DNMT1: variants seen among roughly 807,000 people sequenced by gnomAD.
DNMT1 encodes DNA (cytosine-5)-methyltransferase 1.
Under a neutral mutation model 205.3 loss-of-function variants are expected in DNMT1, and 24 were observed. The ratio of observed to expected loss-of-function variants is 0.12; its 90% CI spans 0.08 to 0.16. The LOEUF (loss-of-function observed/expected upper bound fraction) is 0.16. DNMT1 is among the 10% of genes least tolerant of loss of function. The pLI is 1.00. For synonymous variants in DNMT1, 817 were observed against 839.8 expected, an observed-to-expected ratio of 0.97 and a Z score of 0.47; for missense variants, 1,293 against 2,177.7, an observed-to-expected ratio of 0.59 and a Z score of 8.09.
chr19:10,149,825 G>C, intron 25 of DNMT1, 28 bp downstream of exon 25: 1 of 1,612,018 alleles, frequency 6.2e-7, no homozygotes, highest in South Asian at 1.1e-5. Context: ...AGTGCATGCA[G>C]AAGTCAAGCA....
chr19:10,134,896 A>G (rs974275483), intron 39 of DNMT1, among the ~76,000 whole-genome samples: 1 of 148,664 alleles, frequency 6.7e-6, no homozygotes, highest in Non-Finnish European at 1.5e-5. Flanking sequence ...CCACCTAGAC[A>G]CGTTTCGCTC....
intron 1 of DNMT1, among the ~76,000 whole-genome samples, chr19:10,183,900 T>A (rs944006838): frequency 6.6e-6 from 1 of 151,660 alleles, no homozygotes; most frequent in Non-Finnish European, 1.5e-5. Flanking sequence ...TAAAATAAAA[T>A]AAAAATAACT....
Position 10,149,392 on chromosome 19 carries a change from G to A in DNMT1, c.2586+61C>T, listed in dbSNP as rs143051214. 3.1e-4 allele frequency: 471 copies of A among 1,531,746 alleles called. 2 individuals are homozygous for A. The African/African-American group carries it at 5.5e-3, about 18-fold the overall frequency. 94.9% of individuals were successfully genotyped at this position (1,531,746 alleles called of 1,614,324 possible). On this transcript the variant is annotated intron_variant, in intron 26 of 40. Transcript: ENST00000359526. ...AATACAAATCAAAACAAAACAGAAC[G>A]CACGTCAGCAGTGACCCTCCACGAT...
chr19:10,183,097 G>A (rs1212066220), intron 1 of DNMT1, among the ~76,000 whole-genome samples: 7 of 136,594 alleles, frequency 5.1e-5, no homozygotes, highest in Non-Finnish European at 9.1e-5. Flanking sequence ...ATATATACAC[G>A]TATATATACG....
intron 14 of DNMT1, 39 bp downstream of exon 14, chr19:10,160,345 T>A (rs956040669): frequency 6.2e-7 from 1 of 1,613,524 alleles, no homozygotes; most frequent in African/African-American, 1.3e-5. Context: ...ATTTTAACAT[T>A]ACCATCTGCT....
At position 10,145,463 on chromosome 19, in the gene DNMT1, G is replaced by T. The variant is rs542278404; in HGVS notation, c.2894+888C>A. 2.6e-4 allele frequency among the ~76,000 whole-genome samples: 39 copies of T among 148,784 alleles called. No homozygotes were observed. In the South Asian group the frequency reaches 8.0e-3, roughly 31 times the overall value. ...GGAAATGGAATTGTGAGCCGGGAAG[G>T]CATCTGGAAAACGTTGGCTGTAATT... On this transcript the variant is annotated intron_variant, in intron 28 of 40. Coordinates refer to ENST00000359526, the MANE Select transcript of DNMT1 (RefSeq NM_001130823.3).
intron 17 of DNMT1, among the ~76,000 whole-genome samples, chr19:10,158,412 G>A (rs937311504): frequency 1.3e-5 from 2 of 152,194 alleles, no homozygotes; most frequent in Non-Finnish European, 1.5e-5. Flanking sequence ...CTCCCAGTGG[G>A]TACAGGAACC....
chr19:10,163,375 AG>A lies in DNMT1; in HGVS notation c.892-16del, dbSNP rs763917284. On this transcript the variant is annotated splice_polypyrimidine_tract_variant and intron_variant, in intron 11 of 40. Coordinates refer to ENST00000359526, the MANE Select transcript of DNMT1 (RefSeq NM_001130823.3). ...TTCTTCTCATCCTGACAGAAAAATA[AG>A]GGGGAGGTAGAGAGATAAAGAAGGG... The A allele has an allele frequency of 1.5e-5, 25 of 1,613,468 alleles. No homozygotes were observed. The highest frequency in any genetic ancestry group is 2.0e-5 in the Non-Finnish European group (24 of 1,179,548).
chr19:10,137,480 G>A lies in DNMT1; in HGVS notation c.4294-200C>T, dbSNP rs1290771427. 2 of 686,276 alleles carry A rather than the reference G, an allele frequency of 2.9e-6. No individual in the cohort carries two copies. Among genetic ancestry groups the A allele is most frequent in the Non-Finnish European group, 4.9e-6 (2 of 408,736 alleles). The allele number at this position is 686,276 out of a possible 1,614,324, so 42.5% of individuals were successfully genotyped here. A position where few individuals can be genotyped will look rare whatever the true frequency, so the allele number is the denominator to read the frequency against. ...AGGCAGCGCAGGTGTAGGAGAGCGT[G>A]GGAATCTAAGCTGAGCCTTTAGGGT... On this transcript the variant is annotated intron_variant, in intron 36 of 40. Transcript: ENST00000359526. This position sits in a 1 kb window ranked among gnomAD's most constrained non-coding sequence, Gnocchi z 6.4.
intron 27 of DNMT1, 103 bp downstream of exon 27, chr19:10,148,781 T>C: frequency 6.3e-7 from 1 of 1,598,368 alleles, no homozygotes; most frequent in South Asian, 1.1e-5. Context: ...AGACACAAAC[T>C]GGGGGGCCGT....
At chr19:10,152,124 T>C (rs551097831) in intron 22 of DNMT1, among the ~76,000 whole-genome samples, 2 of 110,200 alleles carry the variant, frequency 1.8e-5, no homozygotes, top group East Asian at 5.8e-4. Context: ...CACACCACCA[T>C]ATTCCAGCCT....
At chr19:10,162,084 C>T (rs1013401155) in intron 13 of DNMT1, among the ~76,000 whole-genome samples, 6 of 151,570 alleles carry the variant, frequency 4.0e-5, no homozygotes, top group East Asian at 1.9e-4. Context: ...TCAGGTGATG[C>T]GCCTGCCTTG....
chr19:10,150,942 A>G (rs974055027), intron 24 of DNMT1, among the ~76,000 whole-genome samples: 1 of 152,088 alleles, frequency 6.6e-6, no homozygotes, highest in African/African-American at 2.4e-5. Flanking sequence ...AAATACAAAA[A>G]AAGTTAGCCT....
rs114468156 is a variant in DNMT1, at chr19:10,192,886, A to G, written c.80+1934T>C. ...ACATGGAGAAACCCCGACTCCACTG[A>G]AAACACAAAAATTAGCCAGGCGTGG... On this transcript the variant is annotated intron_variant, in intron 1 of 40. Transcript: ENST00000359526. 5.6e-3 allele frequency among the ~76,000 whole-genome samples: 851 copies of G among 152,162 alleles called. 7 individuals carry two copies. Among genetic ancestry groups the G allele is most frequent in the African/African-American group, 0.017 (705 of 41,530 alleles).
rs1456314844 is a variant in DNMT1 at position 10,142,423 on chromosome 19, T to TC, written c.3117-204dup. Among the ~76,000 whole-genome samples, 3 of 147,808 alleles carry TC rather than the reference T, an allele frequency of 2.0e-5. No homozygotes were observed. The South Asian group carries it at 6.5e-4, about 32-fold the overall frequency. ...CACACTGGGGAACTGCAAGGTAGAC[T>TC]CCCCCCCATTTAGGGAACTGCAGGG... On this transcript the variant is annotated intron_variant, in intron 29 of 40. Transcript: ENST00000359526.
In DNMT1 at chr19:10,138,251, G is replaced by A. The variant is rs1303556078; in HGVS notation, c.4115+188C>T. Among the ~76,000 whole-genome samples, 1 of 152,256 alleles carries A rather than the reference G, an allele frequency of 6.6e-6. No individual in the cohort carries two copies. The highest frequency in any genetic ancestry group is 1.5e-5 in the Non-Finnish European group (1 of 68,036). ...CGCTCTGCACATGCTATCTACTAGG[G>A]AAGCAGATGATGCAGGGTCAGAACT... On this transcript the variant is annotated intron_variant, in intron 35 of 40. Transcript: ENST00000359526. The surrounding 1 kb of genome is among the most constrained non-coding windows in gnomAD (Gnocchi z 4.1).
At position 10,137,351 on chromosome 19, in the gene DNMT1, G is replaced by T; in HGVS notation, c.4294-71C>A. ...TCCGAGCATCCATGGTGGGCTGGGAGCTGGGAACACCATGGTGACCAGGAA... is the reference window on the plus strand; with the variant it reads ...TCCGAGCATCCATGGTGGGCTGGGATCTGGGAACACCATGGTGACCAGGAA... On this transcript the variant is annotated intron_variant, in intron 36 of 40. Coordinates refer to ENST00000359526, the MANE Select transcript of DNMT1 (RefSeq NM_001130823.3). This position sits in a 1 kb window ranked among gnomAD's most constrained non-coding sequence, Gnocchi z 6.4. 6.6e-7 allele frequency: 1 copy of T among 1,526,240 alleles called. No homozygotes were observed. The allele number at this position is 1,526,240 out of a possible 1,614,324, so 94.5% of individuals were successfully genotyped here.
Position 10,135,543 on chromosome 19 carries a change from C to T in DNMT1, c.4773+193G>A, listed in dbSNP as rs1459578945. Reference sequence around the variant, plus strand: ...TCAAAAACAAACAGTAAGGAACCAGCATAGGGACGCAGCCTGACTCGGATG... The same window carrying T: ...TCAAAAACAAACAGTAAGGAACCAGTATAGGGACGCAGCCTGACTCGGATG... On this transcript the variant is annotated intron_variant, in intron 39 of 40. Transcript: ENST00000359526. 3.0e-5 allele frequency: 19 copies of T among 639,332 alleles called. No homozygotes were observed. The Admixed American group carries it at 4.2e-4, about 14-fold the overall frequency. The allele number at this position is 639,332 out of a possible 1,614,324, so 39.6% of individuals were successfully genotyped here.
At chr19:10,191,407 C>T (rs1178561866) in intron 1 of DNMT1, among the ~76,000 whole-genome samples, 2 of 146,648 alleles carry the variant, frequency 1.4e-5, no homozygotes, top group African/African-American at 5.0e-5. Context: ...ATATAAACTA[C>T]AATTTCAATG....
Sources: allele counts gnomAD v4.1 joint callset (sites outside exome capture counted in the v4.1 genomes callset), GRCh38; gene constraint gnomAD v4.1.1; non-coding constraint Gnocchi (gnomAD v3.1); transcripts MANE v1.5; gene names NCBI Gene and HGNC (gene_info 2026-07-23, HGNC 2026-07-21).